The following COBL variants were observed in gnomAD, a reference collection of about 807,000 sequenced individuals.
COBL encodes protein cordon-bleu.
A neutral mutation model predicts 98.8 loss-of-function variants in COBL; 51 were observed. The observed-to-expected ratio is 0.52, with a 90% confidence interval of 0.41 to 0.65. COBL has a LOEUF of 0.65. COBL is among the 30% of genes least tolerant of loss of function. The pLI, the probability that COBL is intolerant of heterozygous loss-of-function variation, is 0.00. For synonymous variants in COBL, 634 were observed against 651.7 expected, an observed-to-expected ratio of 0.97 and a Z score of 0.41; for missense variants, 1,617 against 1,617.5, an observed-to-expected ratio of 1.00 and a Z score of 0.01.
At chr7:51,092,673 C>G (rs1313972437) in intron 6 of COBL, among the ~76,000 whole-genome samples, 1 of 152,086 alleles carries the variant, frequency 6.6e-6, no homozygotes, top group African/African-American at 2.4e-5. Flanking sequence ...ATGCTGTAGT[C>G]AAAGCTATTG....
In COBL at chr7:51,017,457, C is replaced by A; in HGVS notation, c.*94G>T. The A allele has an allele frequency of 7.4e-7, 1 of 1,353,224 alleles. No homozygotes were observed. The highest frequency in any genetic ancestry group is 1.7e-5 in the Admixed American group (1 of 59,396). The allele number at this position is 1,353,224 out of a possible 1,614,324, so 83.8% of individuals were successfully genotyped here. On this transcript the variant is annotated 3_prime_UTR_variant, in exon 13 of 13. Coordinates refer to ENST00000265136, the MANE Select transcript of COBL (RefSeq NM_015198.5). ...TTGGCCTGTAGACAAGAAAGTAACA[C>A]CAAAACTTGATGTTCCTGGCTATGC... is the stretch of plus-strand genomic sequence containing the variant.
chr7:51,169,406 G>A (rs1306669854), intron 5 of COBL, among the ~76,000 whole-genome samples: 1 of 152,166 alleles, frequency 6.6e-6, no homozygotes, highest in Non-Finnish European at 1.5e-5. Flanking sequence ...ACCTCCTGAG[G>A]CTGTGTCATG....
At chr7:51,187,188 G>C (rs963367815) in intron 4 of COBL, among the ~76,000 whole-genome samples, 1 of 151,966 alleles carries the variant, frequency 6.6e-6, no homozygotes. Context: ...CTTGTCTAGA[G>C]GAGGAGACTC....
At chr7:51,059,241 CTTTAT>C (rs1791080345) in intron 7 of COBL, among the ~76,000 whole-genome samples, 1 of 152,130 alleles carries the variant, frequency 6.6e-6, no homozygotes, top group Non-Finnish European at 1.5e-5. Context: ...AGTGTTTGGT[CTTTAT>C]TTAGAAGTGT....
chr7:51,313,758 T>G (rs149241206), intron 1 of COBL, among the ~76,000 whole-genome samples: 1 of 152,332 alleles, frequency 6.6e-6, no homozygotes, highest in African/African-American at 2.4e-5. Context: ...CTGGGATGGC[T>G]CCTATAAATA....
At chr7:51,132,359 T>A (rs1317315551) in intron 6 of COBL, among the ~76,000 whole-genome samples, 2 of 152,208 alleles carry the variant, frequency 1.3e-5, no homozygotes, top group Admixed American at 6.5e-5. Flanking sequence ...CAAGCTGGGA[T>A]CGGAACCCAG....
intron 4 of COBL, among the ~76,000 whole-genome samples, chr7:51,190,573 CA>C (rs1790008413): frequency 6.6e-6 from 1 of 152,170 alleles, no homozygotes; most frequent in Admixed American, 6.5e-5. Flanking sequence ...AATCTCACCT[CA>C]CCTTTTCCCC....
chr7:51,181,735 C>G (rs562022691), intron 5 of COBL, among the ~76,000 whole-genome samples: 1 of 152,074 alleles, frequency 6.6e-6, no homozygotes, highest in Non-Finnish European at 1.5e-5. Flanking sequence ...AGAGAGGACT[C>G]GATCACTGAC....
At chr7:51,217,662 C>T (rs1191705422) in intron 2 of COBL, among the ~76,000 whole-genome samples, 2 of 152,062 alleles carry the variant, frequency 1.3e-5, no homozygotes, top group African/African-American at 4.8e-5. Flanking sequence ...ATTTTCTAAA[C>T]AAAATATGTA....
At chr7:51,089,242 A>G (rs946822882) in intron 6 of COBL, among the ~76,000 whole-genome samples, 7 of 152,122 alleles carry the variant, frequency 4.6e-5, no homozygotes, top group Non-Finnish European at 2.9e-5. Flanking sequence ...GGCTGGGCAC[A>G]GTGACTCATG....
At chr7:51,059,728 T>A (rs972934616) in intron 7 of COBL, among the ~76,000 whole-genome samples, 1 of 152,020 alleles carries the variant, frequency 6.6e-6, no homozygotes, top group Non-Finnish European at 1.5e-5. Flanking sequence ...GGGCACTGTC[T>A]CCCAGCTACC....
intron 5 of COBL, among the ~76,000 whole-genome samples, chr7:51,166,983 C>G (rs1028425416): frequency 6.6e-6 from 1 of 151,920 alleles, no homozygotes; most frequent in African/African-American, 2.4e-5. Flanking sequence ...TACAATAGAC[C>G]CACAGCTAGT....
intron 7 of COBL, chr7:51,072,738 C>T (rs1792689446): frequency 6.6e-6 from 1 of 152,198 alleles, no homozygotes; most frequent in Admixed American, 6.5e-5. Flanking sequence ...GAACACCCTT[C>T]TTCTCCCACT....
intron 5 of COBL, among the ~76,000 whole-genome samples, chr7:51,137,060 C>T (rs1167800209): frequency 2.6e-5 from 4 of 151,524 alleles, no homozygotes; most frequent in Non-Finnish European, 2.9e-5. Context: ...GTGCAGAAAG[C>T]ATTCGGGGAA....
intron 2 of COBL, among the ~76,000 whole-genome samples, chr7:51,196,935 G>A (rs1279079687): frequency 6.6e-6 from 1 of 151,294 alleles, no homozygotes; most frequent in East Asian, 1.9e-4. Flanking sequence ...TATTAGCCTA[G>A]CTAGCAGTCT....
chr7:51,255,126 A>G (rs1797081144), intron 1 of COBL, among the ~76,000 whole-genome samples: 1 of 152,212 alleles, frequency 6.6e-6, no homozygotes, highest in South Asian at 2.1e-4. Context: ...ACTATTTCTG[A>G]CCCTGCTTTG....
chr7:51,308,282 C>T (rs1349766756), intron 1 of COBL, among the ~76,000 whole-genome samples: 1 of 152,178 alleles, frequency 6.6e-6, no homozygotes, highest in Admixed American at 6.5e-5. Flanking sequence ...AACACTCCTA[C>T]CCAAGACTAT....
At chr7:51,113,392 T>C (rs979204049) in intron 6 of COBL, among the ~76,000 whole-genome samples, 2 of 152,234 alleles carry the variant, frequency 1.3e-5, no homozygotes, top group African/African-American at 4.8e-5. Flanking sequence ...GTTTATAAAG[T>C]GTCCATTAAG....
intron 7 of COBL, chr7:51,071,760 T>C (rs1792575913): frequency 2.0e-5 from 3 of 152,226 alleles, no homozygotes; most frequent in African/African-American, 4.8e-5. Flanking sequence ...TGTAATTATA[T>C]ACAATCTTCT....
Sources: gnomAD v4.1 joint callset for allele counts (sites outside exome capture counted in the v4.1 genomes callset) on GRCh38, gnomAD v4.1.1 for gene constraint, MANE v1.5 for transcripts, NCBI Gene and HGNC (gene_info 2026-07-23, HGNC 2026-07-21) for gene names.